The following CNTN5 variants were observed in gnomAD, a reference collection of about 807,000 sequenced individuals.
CNTN5 encodes the protein contactin 5.
In CNTN5, 77 loss-of-function variants were observed where a neutral mutation model predicts 129.1. The observed-to-expected ratio is 0.60, with a 90% CI of 0.50 to 0.72. The LOEUF (loss-of-function observed/expected upper bound fraction) is 0.72, where lower values mean the gene tolerates loss of function less well. Ranked by LOEUF, CNTN5 falls within the 30% of genes least tolerant of loss-of-function variation. The probability of loss-of-function intolerance (pLI) is 0.00; values close to 1 mark genes in which losing one functional copy is unlikely to be tolerated. For missense variants in CNTN5, 1,478 were observed against 1,328.8 expected, an observed-to-expected ratio of 1.11 and a Z score of -1.75; for synonymous variants, 509 against 465.6, an observed-to-expected ratio of 1.09 and a Z score of -1.20.
At chr11:99,578,934 GT>G (rs1949466909) in intron 3 of CNTN5, among the ~76,000 whole-genome samples, 1 of 152,082 alleles carries the variant, frequency 6.6e-6, no homozygotes, top group Admixed American at 6.5e-5. Flanking sequence ...TATTGCCTAG[GT>G]TTTCTTCTAG....
At chr11:99,745,383 C>T (rs555979372) in intron 3 of CNTN5, among the ~76,000 whole-genome samples, 5 of 152,150 alleles carry the variant, frequency 3.3e-5, no homozygotes, top group South Asian at 4.2e-4. Context: ...TCCAAAGGCT[C>T]GGTGTTCATT....
chr11:99,661,227 A>T (rs927978268), intron 3 of CNTN5, among the ~76,000 whole-genome samples: 1 of 152,182 alleles, frequency 6.6e-6, no homozygotes, highest in Non-Finnish European at 1.5e-5. Flanking sequence ...CAACATTTAT[A>T]TGTGCTCATC....
chr11:100,203,471 C>T (rs1948831177), intron 15 of CNTN5, among the ~76,000 whole-genome samples: 1 of 151,856 alleles, frequency 6.6e-6, no homozygotes, highest in African/African-American at 2.4e-5. Context: ...AAAATCATAC[C>T]TGTTCTTAAT....
At chr11:99,571,377 G>A (rs754700183) in intron 3 of CNTN5, among the ~76,000 whole-genome samples, 21 of 152,108 alleles carry the variant, frequency 1.4e-4, no homozygotes, top group Non-Finnish European at 2.6e-4. Context: ...TTGCTGTCAT[G>A]CTAACAATGA....
intron 2 of CNTN5, among the ~76,000 whole-genome samples, chr11:99,533,372 C>G (rs1040485482): frequency 1.3e-5 from 2 of 152,234 alleles, no homozygotes; most frequent in African/African-American, 4.8e-5. Context: ...ATCAGGTAGG[C>G]ACAGAAGCAG....
intron 3 of CNTN5, chr11:99,558,070 T>G (rs1420669274): frequency 6.2e-6 from 1 of 160,772 alleles, no homozygotes. Context: ...GGTAGAGACA[T>G]CTATGACATG....
At chr11:99,673,718 T>C (rs1038106892) in intron 3 of CNTN5, among the ~76,000 whole-genome samples, 10 of 151,720 alleles carry the variant, frequency 6.6e-5, no homozygotes, top group Admixed American at 5.3e-4. Context: ...CTTCCTGTGG[T>C]AGTTTGCTAA....
At chr11:99,728,953 C>T (rs1943440405) in intron 3 of CNTN5, among the ~76,000 whole-genome samples, 2 of 152,160 alleles carry the variant, frequency 1.3e-5, no homozygotes, top group Admixed American at 6.5e-5. Context: ...AACTTTTCAT[C>T]TTAATGAGCA....
At chr11:99,344,025 T>C (rs1829364435) in intron 2 of CNTN5, among the ~76,000 whole-genome samples, 1 of 152,226 alleles carries the variant, frequency 6.6e-6, no homozygotes, top group South Asian at 2.1e-4. Flanking sequence ...CATATAGAGA[T>C]AATACCTGAT....
intron 7 of CNTN5, among the ~76,000 whole-genome samples, chr11:99,952,607 T>C (rs1480008880): frequency 2.6e-5 from 4 of 152,132 alleles, no homozygotes; most frequent in Non-Finnish European, 5.9e-5. Context: ...TCACAGCTTA[T>C]GGCAACTTTG....
chr11:99,435,074 A>G (rs1313321455), intron 2 of CNTN5, among the ~76,000 whole-genome samples: 1 of 152,168 alleles, frequency 6.6e-6, no homozygotes, highest in Non-Finnish European at 1.5e-5. Context: ...TAATTCTCAT[A>G]TCAGTCTTTT....
chr11:100,293,250 T>A (rs928570004), intron 18 of CNTN5, among the ~76,000 whole-genome samples: 2 of 151,878 alleles, frequency 1.3e-5, no homozygotes, highest in African/African-American at 4.8e-5. Context: ...TCACCTCCTA[T>A]CTTCTTGACT....
intron 9 of CNTN5, among the ~76,000 whole-genome samples, chr11:100,004,784 G>C (rs909815406): frequency 1.3e-5 from 2 of 152,194 alleles, no homozygotes; most frequent in African/African-American, 4.8e-5. Context: ...AAGTGGGCCA[G>C]GGATCAACCA....
chr11:99,884,427 T>C (rs1445272881), intron 6 of CNTN5, among the ~76,000 whole-genome samples: 1 of 152,160 alleles, frequency 6.6e-6, no homozygotes, highest in East Asian at 1.9e-4. Flanking sequence ...TAATCAAATA[T>C]AACTTTTAAA....
intron 13 of CNTN5, among the ~76,000 whole-genome samples, chr11:100,142,076 C>A (rs1178612753): frequency 6.6e-6 from 1 of 152,128 alleles, no homozygotes; most frequent in Non-Finnish European, 1.5e-5. Context: ...ATCAGAACGC[C>A]AGGCTCTCTG....
At chr11:100,242,536 G>A (rs1292145918) in intron 16 of CNTN5, among the ~76,000 whole-genome samples, 1 of 152,132 alleles carries the variant, frequency 6.6e-6, no homozygotes, top group African/African-American at 2.4e-5. Flanking sequence ...ATGGTGGAAT[G>A]CAAAAGGGAA....
chr11:99,074,225 GT>G (rs969494638), intron 1 of CNTN5, among the ~76,000 whole-genome samples: 1 of 150,300 alleles, frequency 6.7e-6, no homozygotes, highest in Admixed American at 6.6e-5. Flanking sequence ...TGATGGAGTT[GT>G]TTTTTTTTCT....
intron 1 of CNTN5, among the ~76,000 whole-genome samples, chr11:99,090,641 C>T (rs1488364854): frequency 6.9e-6 from 1 of 145,526 alleles, no homozygotes; most frequent in Non-Finnish European, 1.5e-5. Flanking sequence ...AAGTTATAGC[C>T]TGAAAAAAAA....
chr11:100,297,413 G>A (rs1302023379), intron 18 of CNTN5, among the ~76,000 whole-genome samples: 1 of 151,400 alleles, frequency 6.6e-6, no homozygotes, highest in African/African-American at 2.4e-5. Context: ...GCATTTTCAA[G>A]AGGCATGGTG....
Sources: allele counts gnomAD v4.1 joint callset (sites outside exome capture counted in the v4.1 genomes callset), GRCh38; gene constraint gnomAD v4.1.1; transcripts MANE v1.5; gene names NCBI Gene and HGNC (gene_info 2026-07-23, HGNC 2026-07-21).